The following ADAM12 variants were observed in gnomAD, a reference collection of about 807,000 sequenced individuals.
ADAM12 encodes the protein disintegrin and metalloproteinase domain-containing protein 12.
ADAM12 carries 70 observed loss-of-function variants against 106.4 expected under a neutral mutation model. The observed-to-expected ratio is 0.66, with a 90% CI of 0.54 to 0.80. The LOEUF (loss-of-function observed/expected upper bound fraction) is 0.80. ADAM12 is among the 30% of genes least tolerant of loss of function. The pLI is 0.00. For synonymous variants in ADAM12, 420 were observed against 433.5 expected (o/e 0.97, Z 0.39); for missense variants, 1,010 against 1,171.9 (o/e 0.86, Z 2.02).
intron 3 of ADAM12, among the ~76,000 whole-genome samples, chr10:126,241,868 A>G (rs1241606870): frequency 1.3e-5 from 2 of 152,200 alleles, no homozygotes; most frequent in Non-Finnish European, 2.9e-5. Context: ...TATTTTATAA[A>G]TTAGTACATT....
chr10:126,191,698 T>C (rs116930350), intron 3 of ADAM12, among the ~76,000 whole-genome samples: 104 of 152,260 alleles, frequency 6.8e-4, no homozygotes, highest in East Asian at 6.7e-3. Flanking sequence ...CTGTGGACAA[T>C]AGCTTAACAT....
chr10:126,150,300 TC>T (rs1200574278), intron 4 of ADAM12, among the ~76,000 whole-genome samples: 1 of 152,224 alleles, frequency 6.6e-6, no homozygotes, highest in Non-Finnish European at 1.5e-5. Flanking sequence ...AAATGTGAAC[TC>T]ATGGCCCTGC....
chr10:126,376,241 T>G (rs1305673989), intron 1 of ADAM12, among the ~76,000 whole-genome samples: 2 of 152,148 alleles, frequency 1.3e-5, no homozygotes, highest in Non-Finnish European at 2.9e-5. Flanking sequence ...TACCTATGAT[T>G]TGAATCATCA....
chr10:126,056,294 C>T (rs1954629501), intron 14 of ADAM12, among the ~76,000 whole-genome samples: 1 of 152,152 alleles, frequency 6.6e-6, no homozygotes, highest in Admixed American at 6.5e-5. Flanking sequence ...TGATAGGGCT[C>T]ACTGCCACAT....
At chr10:126,344,594 A>G (rs2133875161) in intron 1 of ADAM12, among the ~76,000 whole-genome samples, 1 of 152,262 alleles carries the variant, frequency 6.6e-6, no homozygotes, top group African/African-American at 2.4e-5. Context: ...GTGGCATTGA[A>G]TCTATAAATT....
At chr10:126,261,866 G>C (rs529320475) in intron 3 of ADAM12, among the ~76,000 whole-genome samples, 4 of 149,476 alleles carry the variant, frequency 2.7e-5, no homozygotes, top group Non-Finnish European at 5.9e-5. Flanking sequence ...GCAGCGGCGC[G>C]ATCTCCGCTC....
At chr10:126,271,096 T>C (rs2133735707) in intron 3 of ADAM12, among the ~76,000 whole-genome samples, 1 of 152,206 alleles carries the variant, frequency 6.6e-6, no homozygotes, top group South Asian at 2.1e-4. Context: ...CCAGAGTGAA[T>C]TCTGTGAAAC....
At chr10:126,128,772 TGTGA>T (rs34912413) in intron 5 of ADAM12, among the ~76,000 whole-genome samples, 72,371 of 139,422 alleles carry the variant, frequency 0.52, 19,224 homozygotes, top group Non-Finnish European at 0.58. Context: ...CGCCTGCCCA[TGTGA>T]GTGTGTGGTG....
rs114836908 is a variant in ADAM12 at position 126,167,134 on chromosome 10, C to T, written c.261-11829G>A. On this transcript the variant is annotated intron_variant, in intron 3 of 22. Coordinates refer to ENST00000448723, the MANE Select transcript of ADAM12 (RefSeq NM_001288973.2). ...GTCACTAAGTAGCATCAGTCACTAA[C>T]GTTCATTTGAGCTCCTCCTAAGCAA... is the stretch of plus-strand genomic sequence containing the variant. Among the ~76,000 whole-genome samples, 975 of 152,276 alleles carry T rather than the reference C, an allele frequency of 6.4e-3. 13 individuals are homozygous for T. Among genetic ancestry groups the T allele is most frequent in the African/African-American group, 0.022 (923 of 41,554 alleles).
At chr10:126,237,056 C>T (rs959216342) in intron 3 of ADAM12, among the ~76,000 whole-genome samples, 45 of 152,178 alleles carry the variant, frequency 3.0e-4, no homozygotes, top group Admixed American at 2.8e-3. Context: ...CCAGCCTCGC[C>T]CACAACCCCT....
intron 3 of ADAM12, among the ~76,000 whole-genome samples, chr10:126,258,155 T>C (rs1288669862): frequency 6.6e-6 from 1 of 152,238 alleles, no homozygotes; most frequent in African/African-American, 2.4e-5. Flanking sequence ...ATTGGCCAAT[T>C]CAGGCACACA....
At chr10:126,086,511 A>C (rs1955343719) in intron 11 of ADAM12, among the ~76,000 whole-genome samples, 1 of 149,316 alleles carries the variant, frequency 6.7e-6, no homozygotes, top group Non-Finnish European at 1.5e-5. Context: ...CCCCATCTCC[A>C]CTAAAAATAC....
chr10:126,202,824 C>T (rs1000332614), intron 3 of ADAM12, among the ~76,000 whole-genome samples: 1 of 152,148 alleles, frequency 6.6e-6, no homozygotes, highest in Non-Finnish European at 1.5e-5. Context: ...GGTTCGCAGA[C>T]GTACGTGTCT....
intron 2 of ADAM12, among the ~76,000 whole-genome samples, chr10:126,279,867 C>A (rs1469153826): frequency 6.6e-6 from 1 of 152,184 alleles, no homozygotes; most frequent in Non-Finnish European, 1.5e-5. Context: ...CTCAGTCTTG[C>A]TGAGACATGA....
At position 126,049,545 on chromosome 10, in the gene ADAM12, T is replaced by G. The variant is rs1046775985; in HGVS notation, c.1718+16A>C. On this transcript the variant is annotated intron_variant, in intron 15 of 22. Transcript: ENST00000448723. The surrounding 1 kb of genome is among the most constrained non-coding windows in gnomAD (Gnocchi z 4.4). ...GGTCAGAGCAAAGACTTTGCCAGGA[T>G]GTCTGGATTCCATACCTCATCTCGC... The G allele has an allele frequency of 6.2e-7, 1 of 1,614,094 alleles. No homozygotes were observed. Among genetic ancestry groups the G allele is most frequent in the Non-Finnish European group, 8.5e-7 (1 of 1,179,900 alleles).
chr10:126,175,298 C>T (rs1325831487), intron 3 of ADAM12, among the ~76,000 whole-genome samples: 1 of 152,194 alleles, frequency 6.6e-6, no homozygotes, highest in Non-Finnish European at 1.5e-5. Context: ...AGCCAGGTGC[C>T]AGGAGTTGCA....
chr10:126,049,145 A>T lies in ADAM12; in HGVS notation c.1917+108T>A. On this transcript the variant is annotated intron_variant, in intron 16 of 22. Transcript: ENST00000448723. The surrounding 1 kb of genome is among the most constrained non-coding windows in gnomAD (Gnocchi z 4.4). ...TTTTCTTCTAGGTGCATCTGAGAAGAAGTAGATTTAGGAAAACCAACAAAC... is the reference window on the plus strand; with the variant it reads ...TTTTCTTCTAGGTGCATCTGAGAAGTAGTAGATTTAGGAAAACCAACAAAC... 1 of 1,386,482 alleles carries T rather than the reference A, an allele frequency of 7.2e-7. No individual in the cohort carries two copies. The highest frequency in any genetic ancestry group is 1.0e-6 in the Non-Finnish European group (1 of 995,650). 85.9% of individuals were successfully genotyped at this position (1,386,482 alleles called of 1,614,324 possible).
At chr10:126,170,053 G>T (rs959226118) in intron 3 of ADAM12, among the ~76,000 whole-genome samples, 1 of 152,226 alleles carries the variant, frequency 6.6e-6, no homozygotes, top group Non-Finnish European at 1.5e-5. Context: ...GCTCGGTGAA[G>T]AACTTGTATT....
chr10:126,101,929 C>A (rs541126643), intron 8 of ADAM12, among the ~76,000 whole-genome samples: 1 of 152,110 alleles, frequency 6.6e-6, no homozygotes, highest in East Asian at 1.9e-4. Flanking sequence ...CTCTTTTATG[C>A]GCCTGTGAAA....
Sources: allele counts gnomAD v4.1 joint callset (sites outside exome capture counted in the v4.1 genomes callset), GRCh38; gene constraint gnomAD v4.1.1; non-coding constraint Gnocchi (gnomAD v3.1); transcripts MANE v1.5; gene names NCBI Gene and HGNC (gene_info 2026-07-23, HGNC 2026-07-21).